FRMPD1: variants seen among roughly 807,000 people sequenced by gnomAD.
The protein encoded by FRMPD1 is FERM and PDZ domain containing 1.
Under a neutral mutation model 117.8 loss-of-function variants are expected in FRMPD1, and 76 were observed. That is an observed-to-expected ratio of 0.65 (90% CI 0.54 to 0.78). FRMPD1 has a LOEUF of 0.78. FRMPD1 is among the 30% of genes least tolerant of loss of function. The probability of loss-of-function intolerance (pLI) is 0.00; values close to 1 mark genes in which losing one functional copy is unlikely to be tolerated. For missense variants in FRMPD1, 1,786 were observed against 1,964.5 expected (o/e 0.91, Z 1.72); for synonymous variants, 783 against 770.4 (o/e 1.02, Z -0.27).
rs752248600 is a variant in FRMPD1, at chr9:37,746,043, G to A, written c.4011G>A (p.Gln1337=). ...TAGGGATGGACCAGTGCAGCTGTCA[G>A]TTCTCCTATGCCACATGCTTCCGTG... ...PRIGMDQCSC[Q]FSYATCFRGP... is the part of the protein sequence containing the mutation. The change falls in exon 16 of 16, where the codon CAG becomes CAA. Residue 1337 remains glutamine, a synonymous_variant. Transcript: ENST00000377765. 3 of 1,614,236 alleles carry A rather than the reference G, an allele frequency of 1.9e-6. No homozygotes were observed. Among genetic ancestry groups the A allele is most frequent in the African/African-American group, 1.3e-5 (1 of 75,068 alleles).
At chr9:37,660,537 G>A (rs896254894) in intron 1 of FRMPD1, among the ~76,000 whole-genome samples, 4 of 152,056 alleles carry the variant, frequency 2.6e-5, no homozygotes, top group Admixed American at 6.6e-5. Context: ...AGAGACCTCC[G>A]CTTCTCATTT....
intron 15 of FRMPD1, among the ~76,000 whole-genome samples, chr9:37,743,436 A>G (rs117862086): frequency 2.0e-5 from 3 of 151,534 alleles, no homozygotes; most frequent in East Asian, 3.9e-4. Flanking sequence ...GGGTTCAGAA[A>G]TAGACAGCAA....
chr9:37,669,627 C>G (rs150585056), intron 1 of FRMPD1, among the ~76,000 whole-genome samples: 2 of 152,234 alleles, frequency 1.3e-5, no homozygotes, highest in Non-Finnish European at 1.5e-5. Context: ...TAATGATTCC[C>G]TTTTTCTGCT....
rs772039667 is a variant in FRMPD1, at chr9:37,708,491, G to A, written c.352G>A (p.Asp118Asn). 42 of 1,580,394 alleles carry A rather than the reference G, an allele frequency of 2.7e-5. No homozygotes were observed. The highest frequency in any genetic ancestry group is 2.0e-4 in the African/African-American group (15 of 74,266). ...AEDLSWERAV[D>N]ILREAEDSLS... ...AGACCTTTCCTGGGAACGAGCAGTC[G>A]ATATTCTCAGGTACTAAATGGTCTT... The change falls in exon 4 of 16, where the codon GAT (aspartate) becomes AAT (asparagine). Residue 118 changes from aspartate (D) to asparagine (N), a missense_variant. Transcript: ENST00000377765.
chr9:37,680,130 T>C (rs1395610035), intron 1 of FRMPD1, among the ~76,000 whole-genome samples: 1 of 152,166 alleles, frequency 6.6e-6, no homozygotes, highest in Non-Finnish European at 1.5e-5. Context: ...CCCTATTAGA[T>C]CTGCCTGTTC....
At chr9:37,634,416 C>T in the FRMPD1 span, among the ~76,000 whole-genome samples, 1 of 152,154 alleles carries the variant, frequency 6.6e-6, no homozygotes, top group Non-Finnish European at 1.5e-5. Flanking sequence ...GTATTTATTA[C>T]TAGTTTTCCT....
chr9:37,732,060 C>T (rs941412319), intron 9 of FRMPD1, among the ~76,000 whole-genome samples: 1 of 152,104 alleles, frequency 6.6e-6, no homozygotes, highest in African/African-American at 2.4e-5. Flanking sequence ...CTTATACCTG[C>T]TTTCATATGC....
Position 37,745,803 on chromosome 9 carries a change from A to G in FRMPD1, c.3771A>G (p.Pro1257=), listed in dbSNP as rs1322684027. The G allele has an allele frequency of 6.2e-7, 1 of 1,614,194 alleles. No individual in the cohort carries two copies. The highest frequency in any genetic ancestry group is 1.1e-5 in the South Asian group (1 of 91,084). The change falls in exon 16 of 16, where the codon CCA becomes CCG. Residue 1257 remains proline, a synonymous_variant. Coordinates refer to ENST00000377765, the MANE Select transcript of FRMPD1 (RefSeq NM_014907.3). ...GTTTTAATCCTGAGCCTTCCCTGCC[A>G]GAACCACTACCATGTCCACAAGAGG... The part of the protein sequence containing the change: ...WVCFNPEPSL[P]EPLPCPQEDP...
At chr9:37,666,889 C>T (rs998162857) in intron 1 of FRMPD1, among the ~76,000 whole-genome samples, 5 of 152,048 alleles carry the variant, frequency 3.3e-5, no homozygotes, top group African/African-American at 4.8e-5. Flanking sequence ...TACTTGGCCT[C>T]GCCTCTCCTT....
chr9:37,742,733 T>C (rs572244351), intron 15 of FRMPD1, among the ~76,000 whole-genome samples: 1 of 152,172 alleles, frequency 6.6e-6, no homozygotes, highest in South Asian at 2.1e-4. Flanking sequence ...ACCCCATCTT[T>C]ACTAAAAGTA....
intron 13 of FRMPD1, 112 bp downstream of exon 13, chr9:37,735,846 T>C (rs1824096348): frequency 2.9e-6 from 2 of 700,910 alleles, no homozygotes; most frequent in African/African-American, 1.8e-5. Flanking sequence ...GTCCAATATC[T>C]GCTTAAGAGG....
chr9:37,700,264 G>T (rs1822485438), intron 2 of FRMPD1, among the ~76,000 whole-genome samples: 1 of 152,104 alleles, frequency 6.6e-6, no homozygotes, highest in Non-Finnish European at 1.5e-5. Context: ...AACTGTAGGA[G>T]CACTACCCTC....
At chr9:37,723,339 C>A (rs1163250971) in intron 6 of FRMPD1, among the ~76,000 whole-genome samples, 1 of 152,192 alleles carries the variant, frequency 6.6e-6, no homozygotes, top group Non-Finnish European at 1.5e-5. Flanking sequence ...TCGCGCAGTG[C>A]TATCAGTACG....
chr9:37,677,859 C>T (rs1325123955), intron 1 of FRMPD1, among the ~76,000 whole-genome samples: 1 of 152,170 alleles, frequency 6.6e-6, no homozygotes, highest in Non-Finnish European at 1.5e-5. Context: ...GCTTTGAATT[C>T]TGATTAGGTG....
At chr9:37,653,176 C>T (rs1022153673) in intron 1 of FRMPD1, among the ~76,000 whole-genome samples, 4 of 152,050 alleles carry the variant, frequency 2.6e-5, no homozygotes, top group Non-Finnish European at 5.9e-5. Context: ...ATTGGGCCTC[C>T]GAGCGTCACT....
At position 37,745,330 on chromosome 9, in the gene FRMPD1, A is replaced by T; in HGVS notation, c.3298A>T (p.Thr1100Ser). Residue 1100 changes from threonine (T) to serine (S), a missense_variant, in exon 16 of 16, where the codon ACA (threonine) becomes TCA (serine). Transcript: ENST00000377765. ...AGGAGAGAAGATAGCTTCTATCCCT[A>T]CAAAGGAAGAGCCACAAGGACAACT... The part of the protein sequence containing the change: ...NPGEKIASIP[T>S]KEEPQGQLSL... The T allele has an allele frequency of 6.2e-7, 1 of 1,612,098 alleles. No individual in the cohort carries two copies. The highest frequency in any genetic ancestry group is 8.5e-7 in the Non-Finnish European group (1 of 1,178,104).
At chr9:37,613,743 TA>T in the FRMPD1 span, among the ~76,000 whole-genome samples, 1 of 152,226 alleles carries the variant, frequency 6.6e-6, no homozygotes, top group African/African-American at 2.4e-5. Flanking sequence ...AGGTTTAACT[TA>T]AATATAACTT....
the FRMPD1 span, among the ~76,000 whole-genome samples, chr9:37,609,578 C>T: frequency 1.3e-5 from 2 of 152,186 alleles, no homozygotes; most frequent in African/African-American, 4.8e-5. Context: ...CTGTTACTTC[C>T]CTGCTTCAAA....
chr9:37,616,548 C>T, the FRMPD1 span, among the ~76,000 whole-genome samples: 5 of 152,160 alleles, frequency 3.3e-5, no homozygotes, highest in Admixed American at 3.3e-4. Flanking sequence ...CTGTTGCATC[C>T]TGCTGTTGCA....
Sources: gnomAD v4.1 joint callset for allele counts (sites outside exome capture counted in the v4.1 genomes callset) on GRCh38, gnomAD v4.1.1 for gene constraint, MANE v1.5 for transcripts, NCBI Gene and HGNC (gene_info 2026-07-23, HGNC 2026-07-21) for gene names.